FMN1: variants seen among roughly 807,000 people sequenced by gnomAD.
FMN1 encodes formin 1, also known as formin-1.
FMN1 carries 110 observed loss-of-function variants against 132.4 expected under a neutral mutation model. The observed-to-expected ratio is 0.83, with a 90% CI of 0.71 to 0.97. FMN1 has a LOEUF of 0.97. FMN1 is among the 50% of genes least tolerant of loss of function. The probability of loss-of-function intolerance (pLI) is 0.00; values close to 1 mark genes in which losing one functional copy is unlikely to be tolerated. For synonymous variants in FMN1, 722 were observed against 651.7 expected, an observed-to-expected ratio of 1.11 and a Z score of -1.64; for missense variants, 1,792 against 1,705.3, an observed-to-expected ratio of 1.05 and a Z score of -0.90.
chr15:32,847,201 G>GT (rs1384916003), intron 17 of FMN1, among the ~76,000 whole-genome samples: 35 of 152,028 alleles, frequency 2.3e-4, no homozygotes, highest in Non-Finnish European at 4.1e-4. Flanking sequence ...GTAAAAATCA[G>GT]TTTAAGGTAT....
chr15:33,070,792 A>C (rs1183514508), intron 5 of FMN1, among the ~76,000 whole-genome samples: 4 of 152,216 alleles, frequency 2.6e-5, no homozygotes, highest in Non-Finnish European at 4.4e-5. Context: ...ACCATGTGCC[A>C]AGCACAATTT....
chr15:33,140,184 C>G (rs1450218899), intron 4 of FMN1, among the ~76,000 whole-genome samples: 1 of 121,136 alleles, frequency 8.3e-6, no homozygotes, highest in Non-Finnish European at 1.7e-5. Context: ...AACTTTCCAC[C>G]TATGGTTAAA....
intron 4 of FMN1, among the ~76,000 whole-genome samples, chr15:33,095,725 T>C (rs1161548832): frequency 6.6e-6 from 1 of 152,168 alleles, no homozygotes; most frequent in Non-Finnish European, 1.5e-5. Flanking sequence ...ATGGCATTCA[T>C]TACAAGTAAA....
At chr15:32,893,966 T>G (rs1269956518) in intron 15 of FMN1, among the ~76,000 whole-genome samples, 3 of 152,206 alleles carry the variant, frequency 2.0e-5, no homozygotes, top group Non-Finnish European at 1.5e-5. Context: ...GGATAATTCT[T>G]CTGCCACACT....
At chr15:32,804,045 T>A (rs1365548558) in intron 18 of FMN1, among the ~76,000 whole-genome samples, 2 of 152,008 alleles carry the variant, frequency 1.3e-5, no homozygotes, top group African/African-American at 2.4e-5. Flanking sequence ...ATGACCCCAA[T>A]TGCATGAGGT....
At chr15:33,011,958 T>C (rs904842777) in intron 6 of FMN1, among the ~76,000 whole-genome samples, 1 of 152,182 alleles carries the variant, frequency 6.6e-6, no homozygotes, top group Non-Finnish European at 1.5e-5. Flanking sequence ...ACTGGTATAA[T>C]CACTATGAAC....
intron 4 of FMN1, among the ~76,000 whole-genome samples, chr15:33,096,924 C>T (rs2039106420): frequency 6.6e-6 from 1 of 152,134 alleles, no homozygotes; most frequent in African/African-American, 2.4e-5. Flanking sequence ...TTTACACATA[C>T]TTCAGACTGG....
chr15:33,151,403 T>C, intron 4 of FMN1: 2 of 1,535,524 alleles, frequency 1.3e-6, no homozygotes, highest in South Asian at 1.2e-5. Context: ...AAAGGGAATG[T>C]TGAGTGATTG....
intron 5 of FMN1, among the ~76,000 whole-genome samples, chr15:33,082,092 AAT>A (rs1491113513): frequency 0.021 from 1,889 of 87,966 alleles, 36 homozygotes; most frequent in African/African-American, 0.057. Flanking sequence ...GCTGGAAAAC[AAT>A]GTGTGTGTGT....
intron 19 of FMN1, among the ~76,000 whole-genome samples, chr15:32,793,533 C>T (rs571629276): frequency 2.0e-4 from 30 of 152,084 alleles, no homozygotes; most frequent in African/African-American, 6.8e-4. Context: ...CACCCACCTC[C>T]GCCTCCCAAA....
At chr15:32,909,077 CACTT>C (rs2060496310) in intron 11 of FMN1, among the ~76,000 whole-genome samples, 1 of 152,164 alleles carries the variant, frequency 6.6e-6, no homozygotes, top group Non-Finnish European at 1.5e-5. Flanking sequence ...GGCATTGAGT[CACTT>C]ACTTTCTCAA....
chr15:32,932,889 A>G (rs999260847), intron 9 of FMN1, among the ~76,000 whole-genome samples: 9 of 151,770 alleles, frequency 5.9e-5, no homozygotes, highest in African/African-American at 1.5e-4. Context: ...TTTCTCCTTA[A>G]TTTAGCTAAT....
chr15:33,007,126 A>T (rs2034462157), intron 7 of FMN1, among the ~76,000 whole-genome samples: 1 of 152,198 alleles, frequency 6.6e-6, no homozygotes, highest in African/African-American at 2.4e-5. Flanking sequence ...TAATTAGCTC[A>T]ATTTAGTTAC....
intron 10 of FMN1, among the ~76,000 whole-genome samples, chr15:32,914,000 A>C (rs1188532694): frequency 1.3e-5 from 2 of 152,138 alleles, no homozygotes; most frequent in Non-Finnish European, 2.9e-5. Flanking sequence ...GCTTCTTCCC[A>C]ATTTGACCCT....
intron 17 of FMN1, among the ~76,000 whole-genome samples, chr15:32,850,095 G>A (rs1000083687): frequency 1.3e-5 from 2 of 152,180 alleles, no homozygotes; most frequent in Non-Finnish European, 2.9e-5. Context: ...TAGCAGTGGA[G>A]TACACAAGAA....
rs775606482 is a variant in FMN1 at position 33,153,846 on chromosome 15, G to A, written c.1069C>T (p.Arg357Cys). 2.4e-5 allele frequency: 37 copies of A among 1,536,626 alleles called. No individual in the cohort carries two copies. The highest frequency in any genetic ancestry group is 4.1e-5 in the African/African-American group (3 of 73,180). Residue 357 changes from arginine to cysteine, a missense_variant, in exon 4 of 21, where the codon CGC (arginine) becomes TGC (cysteine). By Grantham distance (180) the Arg-to-Cys change is radical (BLOSUM62 -3). Transcript: ENST00000616417. ...ACAAACTCAGCGTGGGCTGCTGGGC[G>A]AATGGCAATCGTCTCCTTACCCTTA... ...HSKGKETIAI[R>C]PAAHAEFVPK...
chr15:32,949,482 G>A (rs985771353), intron 9 of FMN1, among the ~76,000 whole-genome samples: 3 of 152,014 alleles, frequency 2.0e-5, no homozygotes, highest in African/African-American at 7.2e-5. Context: ...AATGGTCCTA[G>A]GATAACTGGC....
chr15:32,847,358 C>G (rs1040734005), intron 17 of FMN1, among the ~76,000 whole-genome samples: 2 of 152,100 alleles, frequency 1.3e-5, no homozygotes, highest in Admixed American at 1.3e-4. Flanking sequence ...TGATACTTAT[C>G]TGACAAATAA....
chr15:33,127,549 A>G (rs1222400795), intron 4 of FMN1, among the ~76,000 whole-genome samples: 1 of 152,282 alleles, frequency 6.6e-6, no homozygotes. Flanking sequence ...GTTTTTAAAC[A>G]GTGAACCTTT....
Sources: allele counts gnomAD v4.1 joint callset (sites outside exome capture counted in the v4.1 genomes callset), GRCh38; gene constraint gnomAD v4.1.1; transcripts MANE v1.5; gene names NCBI Gene and HGNC (gene_info 2026-07-23, HGNC 2026-07-21).